Variants in ERBB4 observed in about 807,000 individuals in gnomAD.
The protein encoded by ERBB4 is receptor tyrosine-protein kinase erbB-4.
A neutral mutation model predicts 158.0 loss-of-function variants in ERBB4; 42 were observed. The observed-to-expected ratio is 0.27, with a 90% CI of 0.21 to 0.34. ERBB4 has a LOEUF of 0.34. Ranked by LOEUF, ERBB4 falls within the 10% of genes least tolerant of loss-of-function variation. The pLI is 1.00. For missense variants in ERBB4, 1,333 were observed against 1,624.1 expected, an observed-to-expected ratio of 0.82 and a Z score of 3.08; for synonymous variants, 583 against 558.7, an observed-to-expected ratio of 1.04 and a Z score of -0.61.
chr2:211,418,111 T>C (rs561859235), intron 25 of ERBB4, among the ~76,000 whole-genome samples: 9 of 151,964 alleles, frequency 5.9e-5, no homozygotes, highest in Non-Finnish European at 7.4e-5. Flanking sequence ...TTTCAAAGTC[T>C]ATCACATATG....
intron 1 of ERBB4, among the ~76,000 whole-genome samples, chr2:212,359,929 C>T (rs73074253): frequency 6.6e-6 from 1 of 151,424 alleles, no homozygotes; most frequent in East Asian, 2.0e-4. Flanking sequence ...AAAAAGCTTT[C>T]CACTGAAGTC....
At chr2:211,610,321 A>T (rs745694839) in intron 19 of ERBB4, among the ~76,000 whole-genome samples, 4 of 152,162 alleles carry the variant, frequency 2.6e-5, no homozygotes, top group Non-Finnish European at 5.9e-5. Flanking sequence ...TTCATGCCAT[A>T]TAATGCAAAC....
intron 19 of ERBB4, among the ~76,000 whole-genome samples, chr2:211,614,424 G>A (rs1371943867): frequency 6.6e-6 from 1 of 151,954 alleles, no homozygotes; most frequent in Non-Finnish European, 1.5e-5. Context: ...AGTGTGATTG[G>A]ATTGTTTGTA....
intron 19 of ERBB4, among the ~76,000 whole-genome samples, chr2:211,611,507 C>G (rs2069199657): frequency 1.4e-5 from 2 of 146,536 alleles, no homozygotes; most frequent in African/African-American, 2.7e-5. Context: ...AGCTGTAACA[C>G]TTGCTGCTGT....
chr2:211,855,773 T>C (rs1339709030), intron 3 of ERBB4, among the ~76,000 whole-genome samples: 3 of 152,204 alleles, frequency 2.0e-5, no homozygotes, highest in Non-Finnish European at 4.4e-5. Context: ...ATATTCTGTT[T>C]GTCCTTGGGC....
At chr2:211,630,063 A>G (rs1008680915) in intron 17 of ERBB4, among the ~76,000 whole-genome samples, 1 of 152,236 alleles carries the variant, frequency 6.6e-6, no homozygotes, top group East Asian at 1.9e-4. Flanking sequence ...TAATTAAACT[A>G]AAGAGCTTCT....
chr2:211,793,555 A>G (rs1424595447), intron 3 of ERBB4, among the ~76,000 whole-genome samples: 1 of 151,990 alleles, frequency 6.6e-6, no homozygotes, highest in African/African-American at 2.4e-5. Context: ...CACAGAAAGC[A>G]GTTACAAGAC....
chr2:212,487,028 C>A lies in ERBB4; in HGVS notation c.82+51421G>T, dbSNP rs1690014727. Among the ~76,000 whole-genome samples the A allele has an allele frequency of 2.0e-5, 3 of 152,138 alleles. No homozygotes were observed. The South Asian group carries it at 6.2e-4, about 31-fold the overall frequency. On this transcript the variant is annotated intron_variant, in intron 1 of 27. Coordinates refer to ENST00000342788, the MANE Select transcript of ERBB4 (RefSeq NM_005235.3). ...GCACATTTTCCTTCTGAAGTTTTTA[C>A]TGTTACTCATGTTTGTGAAAAATAT...
At chr2:211,861,177 T>TTTC (rs2078038299) in intron 3 of ERBB4, among the ~76,000 whole-genome samples, 1 of 88,406 alleles carries the variant, frequency 1.1e-5, no homozygotes, top group Non-Finnish European at 2.1e-5. Context: ...AGTTTTTTTT[T>TTTC]TTTTTGAGAC....
chr2:211,645,420 T>TTA lies in ERBB4; in HGVS notation c.1946+12332_1946+12333dup, dbSNP rs143386658. Among the ~76,000 whole-genome samples the TTA allele has an allele frequency of 4.3e-3, 651 of 151,434 alleles. 4 individuals carry two copies. The highest frequency in any genetic ancestry group is 0.015 in the African/African-American group (612 of 41,416). On this transcript the variant is annotated intron_variant, in intron 16 of 27. Coordinates refer to ENST00000342788, the MANE Select transcript of ERBB4 (RefSeq NM_005235.3). The stretch of plus-strand genomic sequence containing the variant: ...GGATCAAAGCCATCCTGTGAATTGT[T>TTA]TATATATATATATTCTTATTCCTCC...
intron 1 of ERBB4, among the ~76,000 whole-genome samples, chr2:212,376,609 G>C (rs28510380): frequency 0.17 from 25,869 of 151,892 alleles, 2,502 homozygotes; most frequent in South Asian, 0.26. Context: ...TTACAGTCCT[G>C]ATCTGGCTCC....
At chr2:211,706,354 T>C (rs78390399) in intron 9 of ERBB4, among the ~76,000 whole-genome samples, 1,688 of 152,304 alleles carry the variant, frequency 0.011, 28 homozygotes, top group African/African-American at 0.039. Flanking sequence ...TGATCCACTA[T>C]ATGCAGCCTT....
At chr2:211,963,662 A>G (rs2081242311) in intron 2 of ERBB4, among the ~76,000 whole-genome samples, 1 of 151,954 alleles carries the variant, frequency 6.6e-6, no homozygotes, top group African/African-American at 2.4e-5. Flanking sequence ...TCTCCATTGT[A>G]ACCTAATTTT....
intron 1 of ERBB4, among the ~76,000 whole-genome samples, chr2:212,263,361 T>G (rs1020521447): frequency 6.6e-6 from 1 of 152,162 alleles, no homozygotes; most frequent in Non-Finnish European, 1.5e-5. Flanking sequence ...ACTTTCTATA[T>G]AGAAACATTA....
intron 3 of ERBB4, among the ~76,000 whole-genome samples, chr2:211,892,637 A>AG (rs2078998227): frequency 6.9e-6 from 1 of 145,916 alleles, no homozygotes; most frequent in African/African-American, 2.7e-5. Context: ...TTTGCAGATG[A>AG]CGTGATTGTA....
chr2:211,763,629 C>T (rs1289410141), intron 4 of ERBB4, among the ~76,000 whole-genome samples: 1 of 151,932 alleles, frequency 6.6e-6, no homozygotes, highest in African/African-American at 2.4e-5. Context: ...ATCTTACAGC[C>T]TTCCTTTTTT....
chr2:212,535,609 A>G (rs1575099816), intron 1 of ERBB4, among the ~76,000 whole-genome samples: 1 of 152,182 alleles, frequency 6.6e-6, no homozygotes, highest in Non-Finnish European at 1.5e-5. Flanking sequence ...AATATTGATA[A>G]TTTTCCATTA....
At chr2:212,103,944 ATTT>A (rs2079154458) in intron 2 of ERBB4, among the ~76,000 whole-genome samples, 2 of 152,130 alleles carry the variant, frequency 1.3e-5, no homozygotes, top group African/African-American at 4.8e-5. Context: ...GAACTGGATA[ATTT>A]GTTTAAAGGT....
intron 2 of ERBB4, among the ~76,000 whole-genome samples, chr2:212,082,220 A>T (rs2078467056): frequency 6.6e-6 from 1 of 152,126 alleles, no homozygotes; most frequent in African/African-American, 2.4e-5. Context: ...GACGTAGATT[A>T]CATATATAGA....
Sources: gnomAD v4.1 joint callset for allele counts (sites outside exome capture counted in the v4.1 genomes callset) on GRCh38, gnomAD v4.1.1 for gene constraint, MANE v1.5 for transcripts, NCBI Gene and HGNC (gene_info 2026-07-23, HGNC 2026-07-21) for gene names.